Variants in TENM4 observed in about 807,000 individuals in gnomAD.
TENM4 encodes the protein teneurin transmembrane protein 4, also known as teneurin-4.
Under a neutral mutation model 243.3 loss-of-function variants are expected in TENM4, and 82 were observed. The observed-to-expected ratio is 0.34, with a 90% CI of 0.28 to 0.40. The LOEUF is 0.40. Ranked by LOEUF, TENM4 falls within the 10% of genes least tolerant of loss-of-function variation. The pLI, the probability that TENM4 is intolerant of heterozygous loss-of-function variation, is 1.00. For missense variants in TENM4, 3,138 were observed against 3,673.3 expected (o/e 0.85, Z 3.77); for synonymous variants, 1,412 against 1,456.3 (o/e 0.97, Z 0.69).
intron 4 of TENM4, among the ~76,000 whole-genome samples, chr11:79,111,750 G>C (rs1861513643): frequency 6.6e-6 from 1 of 152,160 alleles, no homozygotes. Context: ...GCTAGTAAGA[G>C]AGGCTGCCAT....
At chr11:79,363,918 G>T (rs147613108) in intron 1 of TENM4, among the ~76,000 whole-genome samples, 2 of 152,254 alleles carry the variant, frequency 1.3e-5, no homozygotes, top group East Asian at 3.9e-4. Flanking sequence ...CCGTGACTTT[G>T]TTGGCTTGGT....
chr11:79,181,016 T>G (rs72935391), intron 3 of TENM4, among the ~76,000 whole-genome samples: 4,205 of 152,150 alleles, frequency 0.028, 171 homozygotes, highest in Non-Finnish European at 0.04. Context: ...CAAACACGTA[T>G]GGAAGAAACT....
At chr11:79,131,636 A>T (rs112432617) in intron 4 of TENM4, among the ~76,000 whole-genome samples, 2 of 152,200 alleles carry the variant, frequency 1.3e-5, no homozygotes, top group Non-Finnish European at 2.9e-5. Flanking sequence ...AAGCAAAAAC[A>T]AAAAACAAAG....
chr11:79,186,639 A>C (rs1247780179), intron 3 of TENM4, among the ~76,000 whole-genome samples: 2 of 152,230 alleles, frequency 1.3e-5, no homozygotes, highest in Non-Finnish European at 2.9e-5. Context: ...CCCATGAGAC[A>C]GGCAATCTGG....
chr11:78,756,717 T>C, intron 19 of TENM4, 88 bp downstream of exon 19: 1 of 1,315,582 alleles, frequency 7.6e-7, no homozygotes, highest in Non-Finnish European at 1.1e-6. Flanking sequence ...CCTGGCTTCC[T>C]CCCACCCCCA....
chr11:79,048,103 G>C (rs1231271418), intron 6 of TENM4, among the ~76,000 whole-genome samples: 1 of 152,132 alleles, frequency 6.6e-6, no homozygotes. Flanking sequence ...GGAAAAATTA[G>C]TCCCTGACAG....
intron 1 of TENM4, among the ~76,000 whole-genome samples, chr11:79,383,231 C>T (rs1251213549): frequency 2.0e-5 from 3 of 152,188 alleles, no homozygotes; most frequent in South Asian, 2.1e-4. Context: ...TTCAGTGCTG[C>T]CTAGCACTAC....
chr11:79,045,358 G>T (rs1431233838), intron 6 of TENM4, among the ~76,000 whole-genome samples: 1 of 152,200 alleles, frequency 6.6e-6, no homozygotes, highest in East Asian at 1.9e-4. Flanking sequence ...CTGAATTAAG[G>T]GAGAGTGGTG....
At chr11:79,094,778 G>A (rs921172915) in intron 4 of TENM4, among the ~76,000 whole-genome samples, 1 of 152,164 alleles carries the variant, frequency 6.6e-6, no homozygotes, top group Non-Finnish European at 1.5e-5. Context: ...ACCAGTGGGG[G>A]AGGAGCTCCT....
intron 1 of TENM4, among the ~76,000 whole-genome samples, chr11:79,353,854 T>C (rs1321665493): frequency 2.2e-4 from 34 of 152,220 alleles, no homozygotes; most frequent in Admixed American, 2.2e-3. Flanking sequence ...GTAGTTTTAT[T>C]GGTACACAGC....
chr11:79,163,161 G>A (rs769362163), intron 3 of TENM4, among the ~76,000 whole-genome samples: 14 of 152,100 alleles, frequency 9.2e-5, no homozygotes, highest in Admixed American at 3.9e-4. Flanking sequence ...TGGCACAGAC[G>A]ATCTGAGAGG....
chr11:79,188,232 G>A (rs1863412448), intron 3 of TENM4, among the ~76,000 whole-genome samples: 1 of 152,194 alleles, frequency 6.6e-6, no homozygotes, highest in African/African-American at 2.4e-5. Flanking sequence ...GGAATTTGGG[G>A]AAACAAGAAA....
At chr11:78,722,326 T>C (rs888952105) in intron 24 of TENM4, among the ~76,000 whole-genome samples, 3 of 152,158 alleles carry the variant, frequency 2.0e-5, no homozygotes, top group African/African-American at 7.2e-5. Context: ...CTTGTTTTTA[T>C]AAAAAAGGTT....
chr11:78,764,676 C>T (rs922614083), intron 18 of TENM4, among the ~76,000 whole-genome samples: 5 of 152,212 alleles, frequency 3.3e-5, no homozygotes, highest in Non-Finnish European at 7.3e-5. Flanking sequence ...TGCCTGTTAA[C>T]GTTCACTTAG....
Position 79,064,864 on chromosome 11 carries a change from G to A in TENM4, c.367C>T (p.Leu123=). Residue 123 remains leucine, a synonymous_variant, in exon 6 of 34, where the codon CTG becomes TTG. Transcript: ENST00000278550. The part of the protein sequence containing the change: ...SDADMEADTV[L]SPEHPVRLWG... The stretch of plus-strand genomic sequence containing the variant: ...AGACGCACGGGGTGCTCAGGGGACA[G>A]CACCGTGTCAGCCTCCATGTCGGCA... 1.3e-6 allele frequency: 2 copies of A among 1,551,224 alleles called. No individual in the cohort carries two copies. Among genetic ancestry groups the A allele is most frequent in the Non-Finnish European group, 1.7e-6 (2 of 1,146,872 alleles).
chr11:79,158,652 A>G (rs1862675758), intron 3 of TENM4, among the ~76,000 whole-genome samples: 1 of 152,230 alleles, frequency 6.6e-6, no homozygotes, highest in African/African-American at 2.4e-5. Context: ...TACTTCTGAA[A>G]TTGATTCTAC....
intron 21 of TENM4, among the ~76,000 whole-genome samples, chr11:78,730,996 T>C (rs1381887879): frequency 6.6e-6 from 1 of 152,162 alleles, no homozygotes; most frequent in Non-Finnish European, 1.5e-5. Context: ...AAAATTCATA[T>C]CTCCCAGCAC....
Position 78,732,572 on chromosome 11 carries a change from T to G in TENM4, c.2882A>C (p.Asp961Ala). Residue 961 changes from aspartate to alanine, a missense_variant, in exon 21 of 34, where the codon GAC (aspartate) becomes GCC (alanine). This residue lies in a region of TENM4 where 2,467 missense variants were observed against 3,059.1 expected (regional missense o/e 0.81). Transcript: ENST00000278550. ...GGAGATGCCGCCATTTGTCACCAAGTCAAAGCTGTTTGGGAGGGGAAGGTT... is the reference window on the plus strand; with the variant it reads ...GGAGATGCCGCCATTTGTCACCAAGGCAAAGCTGTTTGGGAGGGGAAGGTT... ...YTISRQDGSF[D>A]LVTNGGISII... is the part of the protein sequence containing the mutation. The G allele has an allele frequency of 6.3e-7, 1 of 1,596,356 alleles. No homozygotes were observed. Among genetic ancestry groups the G allele is most frequent in the Non-Finnish European group, 8.6e-7 (1 of 1,167,342 alleles).
intron 6 of TENM4, among the ~76,000 whole-genome samples, chr11:78,961,673 C>T (rs1322130054): frequency 1.3e-5 from 2 of 152,122 alleles, no homozygotes; most frequent in Non-Finnish European, 2.9e-5. Flanking sequence ...TCAGTTTTTC[C>T]AGTGAAAATG....
Sources: allele counts gnomAD v4.1 joint callset (sites outside exome capture counted in the v4.1 genomes callset), GRCh38; gene constraint gnomAD v4.1.1; regional missense constraint gnomAD v4.1.1; transcripts MANE v1.5; gene names NCBI Gene and HGNC (gene_info 2026-07-23, HGNC 2026-07-21).